Variants in E2F3 observed in about 807,000 individuals in gnomAD.
The protein encoded by E2F3 is transcription factor E2F3.
In E2F3, 11 loss-of-function variants were observed where a neutral mutation model predicts 44.4. The ratio of observed to expected loss-of-function variants is 0.25; its 90% CI spans 0.16 to 0.41. The LOEUF is 0.41. Among genes scored for constraint, E2F3 ranks in the 10% least tolerant of loss-of-function variants. E2F3 has a pLI of 1.00. For missense variants in E2F3, 487 were observed against 583.6 expected (o/e 0.83, Z 1.70); for synonymous variants, 249 against 253.0 (o/e 0.98, Z 0.15).
chr6:20,412,053 G>A (rs1027113505), intron 1 of E2F3, among the ~76,000 whole-genome samples: 2 of 152,126 alleles, frequency 1.3e-5, no homozygotes, highest in Admixed American at 6.5e-5. Context: ...GGTGTGATCC[G>A]CCCACTCTTG....
intron 3 of E2F3, 53 bp from the exon 4 acceptor site, chr6:20,482,709 C>G (rs548743829): frequency 1.3e-6 from 2 of 1,516,874 alleles, no homozygotes; most frequent in Admixed American, 2.2e-5. Context: ...GATCATTTCT[C>G]CTTCCCCTCC....
At chr6:20,449,731 T>C (rs111841766) in intron 1 of E2F3, among the ~76,000 whole-genome samples, 4,573 of 152,226 alleles carry the variant, frequency 0.03, 223 homozygotes, top group African/African-American at 0.1. Context: ...GTATTAAGCC[T>C]AGTACCCATT....
chr6:20,479,630 C>T (rs1762155667), intron 1 of E2F3, among the ~76,000 whole-genome samples: 1 of 151,814 alleles, frequency 6.6e-6, no homozygotes, highest in Non-Finnish European at 1.5e-5. Flanking sequence ...TGGGTGTGGA[C>T]GGATGATCAC....
chr6:20,436,004 A>G (rs1356633198), intron 1 of E2F3, among the ~76,000 whole-genome samples: 2 of 143,856 alleles, frequency 1.4e-5, no homozygotes, highest in African/African-American at 5.4e-5. Flanking sequence ...TTTCCAAGAC[A>G]GAGTCTCTCT....
chr6:20,439,019 G>T (rs1294046628), intron 1 of E2F3, among the ~76,000 whole-genome samples: 1 of 152,114 alleles, frequency 6.6e-6, no homozygotes, highest in Non-Finnish European at 1.5e-5. Flanking sequence ...TAGTTGATTT[G>T]GGGGGTTCCT....
rs114013656 is a variant in E2F3 at position 20,453,854 on chromosome 6, T to C, written c.394-25992T>C. 6.9e-3 allele frequency among the ~76,000 whole-genome samples: 1,047 copies of C among 152,328 alleles called. 5 individuals are homozygous for C. The highest frequency in any genetic ancestry group is 0.023 in the African/African-American group (967 of 41,576). On this transcript the variant is annotated intron_variant, in intron 1 of 6. Coordinates refer to ENST00000346618, the MANE Select transcript of E2F3 (RefSeq NM_001949.5). ...ACTATTCCCTTGTAAAACAAGAAAC[T>C]GTGGGTCACCATTTTTTGGAAAGAA...
chr6:20,481,100 A>G (rs1335588088), intron 2 of E2F3, 106 bp from the exon 3 acceptor site: 1 of 1,018,152 alleles, frequency 9.8e-7, no homozygotes, highest in East Asian at 2.6e-5. Flanking sequence ...AGATACTAAT[A>G]CTTTGGCTGC....
At chr6:20,458,348 T>G (rs1398175484) in intron 1 of E2F3, among the ~76,000 whole-genome samples, 1 of 152,146 alleles carries the variant, frequency 6.6e-6, no homozygotes, top group Non-Finnish European at 1.5e-5. Context: ...ATATCTTGTC[T>G]TCCCCATACC....
Position 20,490,220 on chromosome 6 carries a change from C to A in E2F3, c.1188C>A (p.Asn396Lys). ...GHSDCSVSMG[N>K]LSPLASPANL... is the part of the protein sequence containing the mutation. ...GCGATTGCTCAGTTTCTATGGGAAA[C>A]CTTTCTCCTCTGGCCTCCCCAGCCA... Residue 396 changes from asparagine to lysine, a missense_variant, in exon 7 of 7, where the codon AAC (asparagine) becomes AAA (lysine). Asn to Lys is a moderately conservative substitution (Grantham distance 94). Coordinates refer to ENST00000346618, the MANE Select transcript of E2F3 (RefSeq NM_001949.5). The surrounding 1 kb of genome is among the most constrained non-coding windows in gnomAD (Gnocchi z 4.3). 1 of 1,614,038 alleles carries A rather than the reference C, an allele frequency of 6.2e-7. No homozygotes were observed. The highest frequency in any genetic ancestry group is 2.2e-5 in the East Asian group (1 of 44,878).
chr6:20,472,592 G>A (rs1008589431), intron 1 of E2F3, among the ~76,000 whole-genome samples: 7 of 152,096 alleles, frequency 4.6e-5, no homozygotes, highest in African/African-American at 1.4e-4. Context: ...GCTTGAGCCA[G>A]GAGTTTGAGG....
intron 1 of E2F3, among the ~76,000 whole-genome samples, chr6:20,467,183 G>A (rs1439738512): frequency 1.3e-5 from 2 of 152,112 alleles, no homozygotes; most frequent in African/African-American, 4.8e-5. Flanking sequence ...CGATTTTGTG[G>A]CAACAAGGTT....
chr6:20,469,335 TA>T, intron 1 of E2F3, among the ~76,000 whole-genome samples: 1 of 152,308 alleles, frequency 6.6e-6, no homozygotes, highest in East Asian at 1.9e-4. Flanking sequence ...CTAAAATGGC[TA>T]AACCAGAAAT....
intron 1 of E2F3, among the ~76,000 whole-genome samples, chr6:20,414,980 T>A (rs1241941720): frequency 6.6e-6 from 1 of 152,142 alleles, no homozygotes; most frequent in Non-Finnish European, 1.5e-5. Context: ...AATGAGATAG[T>A]GTTTATAGGA....
At chr6:20,457,767 T>C (rs1051425284) in intron 1 of E2F3, among the ~76,000 whole-genome samples, 1 of 152,206 alleles carries the variant, frequency 6.6e-6, no homozygotes, top group African/African-American at 2.4e-5. Flanking sequence ...GGGTCCTTGA[T>C]AGACGTCATA....
At chr6:20,475,082 C>T (rs951272032) in intron 1 of E2F3, among the ~76,000 whole-genome samples, 21 of 152,214 alleles carry the variant, frequency 1.4e-4, no homozygotes, top group Non-Finnish European at 2.2e-4. Flanking sequence ...TTATTTCTGG[C>T]GTGGCTTTTG....
intron 1 of E2F3, among the ~76,000 whole-genome samples, chr6:20,460,208 A>T (rs777958930): frequency 1.2e-4 from 19 of 152,208 alleles, no homozygotes; most frequent in Non-Finnish European, 2.2e-4. Flanking sequence ...TGTTTTTAAC[A>T]TGTGTATCCT....
At chr6:20,428,132 G>A (rs1418932940) in intron 1 of E2F3, among the ~76,000 whole-genome samples, 1 of 152,232 alleles carries the variant, frequency 6.6e-6, no homozygotes, top group East Asian at 1.9e-4. Flanking sequence ...AGGTGGTTAA[G>A]GGCTTGGACT....
chr6:20,424,900 A>G (rs1760161491), intron 1 of E2F3, among the ~76,000 whole-genome samples: 1 of 152,186 alleles, frequency 6.6e-6, no homozygotes, highest in Non-Finnish European at 1.5e-5. Flanking sequence ...GTTCCAGACC[A>G]AGTCCAGGAA....
At chr6:20,416,727 AG>A (rs1759858785) in intron 1 of E2F3, among the ~76,000 whole-genome samples, 1 of 152,320 alleles carries the variant, frequency 6.6e-6, no homozygotes, top group African/African-American at 2.4e-5. Context: ...AGAAAGGAGT[AG>A]GGGGAAACCC....
Sources: allele counts gnomAD v4.1 joint callset (sites outside exome capture counted in the v4.1 genomes callset), GRCh38; gene constraint gnomAD v4.1.1; non-coding constraint Gnocchi (gnomAD v3.1); transcripts MANE v1.5; gene names NCBI Gene and HGNC (gene_info 2026-07-23, HGNC 2026-07-21).